TPRKB: variants seen among roughly 807,000 people sequenced by gnomAD.
The protein encoded by TPRKB is TP53RK binding protein.
In TPRKB, 11 loss-of-function variants were observed where a neutral mutation model predicts 17.8. The observed-to-expected ratio is 0.62, with a 90% CI of 0.39 to 1.02. The LOEUF (loss-of-function observed/expected upper bound fraction) is 1.02, where lower values mean the gene tolerates loss of function less well. Ranked by LOEUF, TPRKB falls within the 50% of genes least tolerant of loss-of-function variation. The pLI, the probability that TPRKB is intolerant of heterozygous loss-of-function variation, is 0.00. For missense variants in TPRKB, 228 were observed against 198.0 expected (o/e 1.15, Z -0.91); for synonymous variants, 71 against 69.5 (o/e 1.02, Z -0.11).
Position 73,737,291 on chromosome 2 carries a change from G to A in TPRKB, c.-23+11C>T, listed in dbSNP as rs1424416586. 1 of 152,238 alleles carries A rather than the reference G, an allele frequency of 6.6e-6. No homozygotes were observed. The highest frequency in any genetic ancestry group is 1.9e-4 in the East Asian group (1 of 5,194). 9.4% of individuals were successfully genotyped at this position (152,238 alleles called of 1,614,324 possible). A position where few individuals can be genotyped will look rare whatever the true frequency, so the allele number is the denominator to read the frequency against. On this transcript the variant is annotated intron_variant, in intron 1 of 4. Coordinates refer to ENST00000272424, the MANE Select transcript of TPRKB (RefSeq NM_016058.5). ...CCCGAGCCTGCCCGTTAGAGCGCAA[G>A]GAAAACTCACCATCCGGCCCCCAGT... is the stretch of plus-strand genomic sequence containing the variant.
intron 1 of TPRKB, among the ~76,000 whole-genome samples, chr2:73,735,100 G>A (rs1238957097): frequency 6.6e-6 from 1 of 152,100 alleles, no homozygotes; most frequent in African/African-American, 2.4e-5. Flanking sequence ...AGGCCGAGGC[G>A]AGCAGATCAC....
chr2:73,735,825 C>T (rs1671852489), intron 1 of TPRKB, among the ~76,000 whole-genome samples: 1 of 152,158 alleles, frequency 6.6e-6, no homozygotes, highest in Non-Finnish European at 1.5e-5. Flanking sequence ...ATTTCTAGAA[C>T]TCTTTCTGAT....
Position 73,734,606 on chromosome 2 carries a change from A to C in TPRKB, c.-22-15T>G. 6.5e-7 allele frequency: 1 copy of C among 1,535,780 alleles called. No homozygotes were observed. The highest frequency in any genetic ancestry group is 8.7e-7 in the Non-Finnish European group (1 of 1,145,522). Reference sequence around the variant, plus strand: ...GCAGGATTCTACTGCACACAAAATGAAAAGACCAAAAGATTTCATTTAAAA... The same window carrying C: ...GCAGGATTCTACTGCACACAAAATGCAAAGACCAAAAGATTTCATTTAAAA... On this transcript the variant is annotated splice_polypyrimidine_tract_variant and intron_variant, in intron 1 of 4. Transcript: ENST00000272424.
chr2:73,732,451 C>T (rs766039715), intron 2 of TPRKB, 166 bp from the exon 3 acceptor site: 1 of 753,138 alleles, frequency 1.3e-6, no homozygotes, highest in East Asian at 2.9e-5. Flanking sequence ...GTGGCTCACA[C>T]CTGTAATCCT....
Position 73,737,303 on chromosome 2 carries a change from A to T in TPRKB, c.-24T>A, listed in dbSNP as rs1558524363. 1 of 152,164 alleles carries T rather than the reference A, an allele frequency of 6.6e-6. No individual in the cohort carries two copies. The allele number at this position is 152,164 out of a possible 1,614,324, so 9.4% of individuals were successfully genotyped here. ...CGTTAGAGCGCAAGGAAAACTCACC[A>T]TCCGGCCCCCAGTGCGTCTCGGAAG... On this transcript the variant is annotated splice_region_variant and 5_prime_UTR_variant, in exon 1 of 5. An upstream start codon of the reference 5' UTR is lost. Transcript: ENST00000272424.
chr2:73,732,041 C>G, intron 3 of TPRKB, 122 bp downstream of exon 3: 1 of 1,112,460 alleles, frequency 9.0e-7, no homozygotes, highest in Non-Finnish European at 1.3e-6. Context: ...CCAGAGCTCT[C>G]TTCACTATTA....
At position 73,730,753 on chromosome 2, in the gene TPRKB, G is replaced by C; in HGVS notation, c.265-17C>G. The C allele has an allele frequency of 1.5e-6, 2 of 1,302,144 alleles. No homozygotes were observed. The highest frequency in any genetic ancestry group is 2.0e-6 in the Non-Finnish European group (2 of 987,820). 80.7% of individuals were successfully genotyped at this position (1,302,144 alleles called of 1,614,324 possible). Reference sequence around the variant, plus strand: ...CTCTGAAATCTAAGAGAAAAAAAATGAAAAAAAAAACACAAGATCATTAAC... The same window carrying C: ...CTCTGAAATCTAAGAGAAAAAAAATCAAAAAAAAAACACAAGATCATTAAC... On this transcript the variant is annotated splice_polypyrimidine_tract_variant and intron_variant, in intron 3 of 4. Transcript: ENST00000272424.
rs1282320830 is a variant in TPRKB at position 73,730,551 on chromosome 2, C to T, written c.441+9G>A. ...ATCACACTCTTTCTAAAAATATGGA[C>T]TGGCAAACCTTTTTGACTTCTGTAA... is the stretch of plus-strand genomic sequence containing the variant. On this transcript the variant is annotated intron_variant, in intron 4 of 4. Coordinates refer to ENST00000272424, the MANE Select transcript of TPRKB (RefSeq NM_016058.5). 1 of 1,565,632 alleles carries T rather than the reference C, an allele frequency of 6.4e-7. No homozygotes were observed. Among genetic ancestry groups the T allele is most frequent in the Admixed American group, 2.0e-5 (1 of 49,792 alleles).
chr2:73,734,392 C>T, intron 2 of TPRKB, 37 bp downstream of exon 2: 1 of 1,590,210 alleles, frequency 6.3e-7, no homozygotes, highest in Non-Finnish European at 8.5e-7. Context: ...AGCCACCGCA[C>T]CCAGCAGGCT....
intron 4 of TPRKB, 70 bp downstream of exon 4, chr2:73,730,490 T>G: frequency 9.0e-7 from 1 of 1,111,638 alleles, no homozygotes; most frequent in South Asian, 1.5e-5. Flanking sequence ...GCTCTGGTGA[T>G]CAATAGGCAA....
chr2:73,737,084 A>G (rs1436174296), intron 1 of TPRKB, among the ~76,000 whole-genome samples: 2 of 151,954 alleles, frequency 1.3e-5, no homozygotes, highest in Admixed American at 6.6e-5. Context: ...CCCAATCACA[A>G]CTCTGAAGAA....
rs748530447 is a variant in TPRKB, at chr2:73,732,145, T to C, written c.264+18A>G. 4 of 1,608,662 alleles carry C rather than the reference T, an allele frequency of 2.5e-6. No homozygotes were observed. In the South Asian group the frequency reaches 3.3e-5, roughly 13 times the overall value. Reference sequence around the variant, plus strand: ...GTTATTATGACACGGTCAACAGAAATAGGAAAGTGCACATTACATTGTTAT... The same window carrying C: ...GTTATTATGACACGGTCAACAGAAACAGGAAAGTGCACATTACATTGTTAT... On this transcript the variant is annotated intron_variant, in intron 3 of 4. Transcript: ENST00000272424.
chr2:73,730,693 G>GC lies in TPRKB; in HGVS notation c.307_308insG (p.Thr103SerfsTer9). The GC allele has an allele frequency of 6.5e-7, 1 of 1,549,220 alleles. No homozygotes were observed. Among genetic ancestry groups the GC allele is most frequent in the East Asian group, 2.5e-5 (1 of 40,266 alleles). On this transcript the variant is annotated frameshift_variant, in exon 4 of 5. Transcript: ENST00000272424. LOFTEE classifies it high-confidence loss of function. ...TTCAATGTAAACAATTAGAATTGAA[G>GC]TGTCATTTGCTGAGATACCAAATTT...
intron 2 of TPRKB, chr2:73,732,735 T>C (rs1241814585): frequency 6.5e-6 from 1 of 154,356 alleles, no homozygotes; most frequent in Non-Finnish European, 1.4e-5. Flanking sequence ...AAAACAACTA[T>C]TATCCCAAGG....
At chr2:73,733,830 T>TC (rs1397742750) in intron 2 of TPRKB, among the ~76,000 whole-genome samples, 25 of 150,378 alleles carry the variant, frequency 1.7e-4, no homozygotes, top group African/African-American at 5.9e-4. Flanking sequence ...TTTTTTTTTT[T>TC]TTTTTGAGGC....
chr2:73,730,481 C>G, intron 4 of TPRKB, 79 bp downstream of exon 4: 2 of 999,782 alleles, frequency 2.0e-6, no homozygotes, highest in Non-Finnish European at 2.9e-6. Flanking sequence ...AAACAAGGAG[C>G]TCTGGTGATC....
rs144417465 is a variant in TPRKB at position 73,730,611 on chromosome 2, C to G, written c.390G>C (p.Gln130His). The change falls in exon 4 of 5, where the codon CAG becomes CAC. Residue 130 changes from glutamine to histidine, a missense_variant. Coordinates refer to ENST00000272424, the MANE Select transcript of TPRKB (RefSeq NM_016058.5). ...TTTCAGGAAGATTTTTCAGAGAAAC[C>G]TGATGACCTTCTACTTGAGATATTA... is the stretch of plus-strand genomic sequence containing the variant. Reference protein sequence around the residue: ...EYLISQVEGHQVSLKNLPEIM... With the variant: ...EYLISQVEGHHVSLKNLPEIM... 1 of 1,591,906 alleles carries G rather than the reference C, an allele frequency of 6.3e-7. No homozygotes were observed. Among genetic ancestry groups the G allele is most frequent in the East Asian group, 2.3e-5 (1 of 43,972 alleles).
rs1490016902 is a variant in TPRKB at position 73,734,545 on chromosome 2, G to C, written c.25C>G (p.Leu9Val). 2 of 1,613,142 alleles carry C rather than the reference G, an allele frequency of 1.2e-6. No individual in the cohort carries two copies. The highest frequency in any genetic ancestry group is 1.7e-6 in the Non-Finnish European group (2 of 1,179,704). ...AGGGTTACCCTGCATTCGGGAAATA[G>C]GTCCAGCTGATGTGTTAACTGCATT... MQLTHQLD[L>V]FPECRVTLLL... Residue 9 changes from leucine to valine, a missense_variant, in exon 2 of 5, where the codon CTA becomes GTA. By Grantham distance (32) the Leu-to-Val change is conservative. Transcript: ENST00000272424.
At chr2:73,730,461 A>G in intron 4 of TPRKB, 99 bp downstream of exon 4, 1 of 816,634 alleles carries the variant, frequency 1.2e-6, no homozygotes, top group Non-Finnish European at 1.8e-6. Context: ...AACTTTCTCA[A>G]AAGTTCAAAA....
Sources: allele counts gnomAD v4.1 joint callset (sites outside exome capture counted in the v4.1 genomes callset), GRCh38; gene constraint gnomAD v4.1.1; transcripts MANE v1.5; gene names NCBI Gene and HGNC (gene_info 2026-07-23, HGNC 2026-07-21).